The following KIF6 variants were observed in gnomAD, a reference collection of about 807,000 sequenced individuals.
The protein encoded by KIF6 is kinesin-like protein KIF6.
In KIF6, 106 loss-of-function variants were observed where a neutral mutation model predicts 112.7. The observed-to-expected ratio is 0.94, with a 90% CI of 0.80 to 1.11. The LOEUF is 1.11. KIF6 is among the 50% of genes least tolerant of loss of function. The pLI is 0.00. For synonymous variants in KIF6, 339 were observed against 339.9 expected, an observed-to-expected ratio of 1.00 and a Z score of 0.03; for missense variants, 929 against 964.0, an observed-to-expected ratio of 0.96 and a Z score of 0.48.
chr6:39,527,484 C>T (rs1777801581), intron 13 of KIF6, among the ~76,000 whole-genome samples: 1 of 152,102 alleles, frequency 6.6e-6, no homozygotes, highest in South Asian at 2.1e-4. Context: ...TCACCATAGC[C>T]CCTTCTGCTT....
intron 16 of KIF6, among the ~76,000 whole-genome samples, chr6:39,365,255 A>T (rs1765472239): frequency 6.6e-6 from 1 of 152,216 alleles, no homozygotes; most frequent in African/African-American, 2.4e-5. Flanking sequence ...ATCGACAGGC[A>T]GAGCAAGTGT....
chr6:39,528,542 C>A (rs947454829), intron 13 of KIF6, among the ~76,000 whole-genome samples: 2 of 152,186 alleles, frequency 1.3e-5, no homozygotes, highest in Non-Finnish European at 2.9e-5. Flanking sequence ...TTTCTAGGAA[C>A]CTCCATATAG....
intron 14 of KIF6, among the ~76,000 whole-genome samples, chr6:39,429,554 A>G (rs184050057): frequency 3.3e-4 from 50 of 152,246 alleles, no homozygotes; most frequent in Non-Finnish European, 6.3e-4. Context: ...ATATTAGCCA[A>G]TTCTTTCCCA....
At chr6:39,382,278 C>A (rs75446179) in intron 16 of KIF6, among the ~76,000 whole-genome samples, 8,111 of 152,172 alleles carry the variant, frequency 0.053, 695 homozygotes, top group African/African-American at 0.18. Flanking sequence ...GGTAGTGAAC[C>A]TAGTAACCAA....
At chr6:39,398,385 A>G (rs1768428629) in intron 15 of KIF6, among the ~76,000 whole-genome samples, 1 of 152,222 alleles carries the variant, frequency 6.6e-6, no homozygotes, top group African/African-American at 2.4e-5. Context: ...GAGCATATTG[A>G]TCATCAGCTG....
chr6:39,516,900 G>A (rs1207479006), intron 13 of KIF6, among the ~76,000 whole-genome samples: 2 of 152,190 alleles, frequency 1.3e-5, no homozygotes, highest in African/African-American at 4.8e-5. Context: ...AATCGCAGGA[G>A]TTAACTCTCA....
At chr6:39,713,070 G>A (rs1008862392) in intron 3 of KIF6, among the ~76,000 whole-genome samples, 5 of 152,154 alleles carry the variant, frequency 3.3e-5, no homozygotes, top group South Asian at 2.1e-4. Context: ...TGAGAAAGCC[G>A]CTATGAGCAA....
chr6:39,607,459 GTTTCT>G (rs1303730504), intron 6 of KIF6, among the ~76,000 whole-genome samples: 1 of 152,106 alleles, frequency 6.6e-6, no homozygotes, highest in Non-Finnish European at 1.5e-5. Context: ...CAAAATTAAA[GTTTCT>G]TTTCTTCTAT....
intron 16 of KIF6, among the ~76,000 whole-genome samples, chr6:39,379,007 G>T (rs997520445): frequency 6.6e-6 from 1 of 152,132 alleles, no homozygotes; most frequent in Non-Finnish European, 1.5e-5. Context: ...ATAACATTTC[G>T]GTATCTTTTG....
intron 16 of KIF6, among the ~76,000 whole-genome samples, chr6:39,375,492 A>G (rs1766370691): frequency 1.3e-5 from 2 of 152,232 alleles, no homozygotes; most frequent in South Asian, 2.1e-4. Context: ...TAGAAATAAT[A>G]TTAAGAGAAG....
At chr6:39,449,690 A>G (rs1048453862) in intron 13 of KIF6, among the ~76,000 whole-genome samples, 2 of 152,194 alleles carry the variant, frequency 1.3e-5, no homozygotes, top group Non-Finnish European at 2.9e-5. Flanking sequence ...TCTCCAGTAC[A>G]GTAGGATGAA....
chr6:39,562,338 G>A (rs1296170561), intron 10 of KIF6, among the ~76,000 whole-genome samples: 4 of 152,120 alleles, frequency 2.6e-5, no homozygotes, highest in South Asian at 2.1e-4. Flanking sequence ...AGGGGGATAC[G>A]TTTTCCTACC....
intron 13 of KIF6, among the ~76,000 whole-genome samples, chr6:39,487,335 C>A (rs980352706): frequency 6.6e-6 from 1 of 152,136 alleles, no homozygotes; most frequent in Admixed American, 6.5e-5. Context: ...AGAGGTCAGC[C>A]CTCTCTGGGA....
intron 16 of KIF6, among the ~76,000 whole-genome samples, chr6:39,367,090 G>A (rs1443808423): frequency 3.9e-5 from 6 of 152,100 alleles, no homozygotes; most frequent in Non-Finnish European, 8.8e-5. Context: ...AACCAAATGG[G>A]CCTGCTGCCC....
intron 5 of KIF6, among the ~76,000 whole-genome samples, chr6:39,628,037 T>A (rs1474014819): frequency 2.0e-5 from 3 of 152,182 alleles, no homozygotes; most frequent in Non-Finnish European, 4.4e-5. Context: ...TATAGCCAAT[T>A]ACTTTTTAAA....
intron 13 of KIF6, among the ~76,000 whole-genome samples, chr6:39,517,796 T>G (rs1016748701): frequency 1.3e-5 from 2 of 152,230 alleles, no homozygotes; most frequent in Non-Finnish European, 2.9e-5. Context: ...ATAATCAGTT[T>G]AACAGACCTT....
At chr6:39,458,133 GC>G (rs562066652) in intron 13 of KIF6, among the ~76,000 whole-genome samples, 1,638 of 150,096 alleles carry the variant, frequency 0.011, 35 homozygotes, top group African/African-American at 0.038. Flanking sequence ...TAAAATACTG[GC>G]AAACCGAATC....
rs553970987 is a variant in KIF6 at position 39,499,756 on chromosome 6, C to A, written c.1645+40247G>T. ...CAGTAACTTACCAAATAAATCCCCA[C>A]GTCTGTCCTCTTCAACCTCCCTCAT... On this transcript the variant is annotated intron_variant, in intron 13 of 22. Coordinates refer to ENST00000287152, the MANE Select transcript of KIF6 (RefSeq NM_145027.6). 3.9e-5 allele frequency among the ~76,000 whole-genome samples: 6 copies of A among 152,296 alleles called. No homozygotes were observed. In the East Asian group the frequency reaches 1.2e-3, roughly 29 times the overall value.
intron 3 of KIF6, chr6:39,691,021 T>C (rs1199835085): frequency 6.6e-5 from 10 of 152,378 alleles, no homozygotes; most frequent in Admixed American, 4.6e-4. Flanking sequence ...TTTATGGGTA[T>C]GACCCATGCA....
Sources: allele counts gnomAD v4.1 joint callset (sites outside exome capture counted in the v4.1 genomes callset), GRCh38; gene constraint gnomAD v4.1.1; transcripts MANE v1.5; gene names NCBI Gene and HGNC (gene_info 2026-07-23, HGNC 2026-07-21).